The following PLPPR1 variants were observed in gnomAD, a reference collection of about 807,000 sequenced individuals.
PLPPR1 encodes the protein phospholipid phosphatase related 1.
PLPPR1 carries 10 observed loss-of-function variants against 33.1 expected under a neutral mutation model. The observed-to-expected ratio is 0.30, with a 90% CI of 0.19 to 0.51. The LOEUF (loss-of-function observed/expected upper bound fraction) is 0.51. Among genes scored for constraint, PLPPR1 ranks in the 20% least tolerant of loss-of-function variants. The probability of loss-of-function intolerance (pLI) is 0.97; values close to 1 mark genes in which losing one functional copy is unlikely to be tolerated. For synonymous variants in PLPPR1, 151 were observed against 151.0 expected (o/e 1.00, Z 0.00); for missense variants, 304 against 408.1 (o/e 0.74, Z 2.20).
At chr9:101,297,952 G>C (rs549710015) in intron 4 of PLPPR1, among the ~76,000 whole-genome samples, 142 of 152,272 alleles carry the variant, frequency 9.3e-4, no homozygotes, top group Non-Finnish European at 1.5e-3. Context: ...AAAATGTGAA[G>C]TTCAGTTCAG....
chr9:101,069,139 G>GAA (rs11427463), intron 1 of PLPPR1, among the ~76,000 whole-genome samples: 9,230 of 149,682 alleles, frequency 0.062, 548 homozygotes, highest in East Asian at 0.25. Flanking sequence ...ATTTGTTTAG[G>GAA]AAAAAAAAAA....
intron 1 of PLPPR1, among the ~76,000 whole-genome samples, chr9:101,063,735 G>A (rs1482910387): frequency 6.6e-6 from 1 of 151,902 alleles, no homozygotes; most frequent in African/African-American, 2.4e-5. Context: ...TCAATCTTAA[G>A]GTTTTTCTTA....
At chr9:101,312,654 G>A (rs1204402870) in intron 5 of PLPPR1, 144 bp from the exon 6 acceptor site, 6 of 577,684 alleles carry the variant, frequency 1.0e-5, no homozygotes, top group Non-Finnish European at 1.8e-5. Context: ...TCTTAATGGA[G>A]TTGTTCAAGG....
intron 1 of PLPPR1, among the ~76,000 whole-genome samples, chr9:101,109,786 ATT>A (rs1831028908): frequency 6.6e-6 from 1 of 152,176 alleles, no homozygotes; most frequent in Non-Finnish European, 1.5e-5. Flanking sequence ...AGTTTGGAGT[ATT>A]TGAGTACGAC....
At chr9:101,124,497 T>C (rs1831220278) in intron 1 of PLPPR1, among the ~76,000 whole-genome samples, 1 of 152,202 alleles carries the variant, frequency 6.6e-6, no homozygotes. Context: ...CCTACATGGT[T>C]CATTCATCTC....
chr9:101,302,418 C>G (rs1165712229), intron 4 of PLPPR1, among the ~76,000 whole-genome samples: 2 of 152,162 alleles, frequency 1.3e-5, no homozygotes, highest in Non-Finnish European at 2.9e-5. Context: ...AATGAGAAAG[C>G]ATTTTACCAC....
At chr9:101,169,675 GC>G (rs1825911123) in intron 1 of PLPPR1, among the ~76,000 whole-genome samples, 1 of 146,232 alleles carries the variant, frequency 6.8e-6, no homozygotes, top group Admixed American at 7.0e-5. Flanking sequence ...AAAAAAAATT[GC>G]TTTTTGTTAC....
At chr9:101,296,852 C>G (rs576676181) in intron 4 of PLPPR1, among the ~76,000 whole-genome samples, 1 of 151,676 alleles carries the variant, frequency 6.6e-6, no homozygotes, top group African/African-American at 2.4e-5. Context: ...TGCTAAATGA[C>G]GAGTTAATGG....
intron 7 of PLPPR1, among the ~76,000 whole-genome samples, chr9:101,319,271 G>T (rs1385893940): frequency 1.3e-5 from 2 of 152,058 alleles, no homozygotes; most frequent in Non-Finnish European, 2.9e-5. Context: ...CCGCCTCCGG[G>T]GTTCAAGCAA....
intron 1 of PLPPR1, among the ~76,000 whole-genome samples, chr9:101,116,370 T>C (rs994863987): frequency 3.9e-5 from 6 of 152,196 alleles, no homozygotes; most frequent in Non-Finnish European, 7.3e-5. Context: ...AATATTCTAA[T>C]TTTGTCCACA....
At chr9:101,050,019 G>A (rs1309130680) in intron 1 of PLPPR1, among the ~76,000 whole-genome samples, 1 of 151,386 alleles carries the variant, frequency 6.6e-6, no homozygotes, top group Non-Finnish European at 1.5e-5. Flanking sequence ...CAGCTACTCG[G>A]GAGGCTGAGG....
intron 1 of PLPPR1, among the ~76,000 whole-genome samples, chr9:101,180,098 A>T (rs893043619): frequency 3.4e-3 from 46 of 13,384 alleles, no homozygotes; most frequent in Non-Finnish European, 5.3e-3. Flanking sequence ...TCTCCTTTAT[A>T]TATATATATA....
chr9:101,090,122 G>T (rs1830724535), intron 1 of PLPPR1, among the ~76,000 whole-genome samples: 1 of 152,096 alleles, frequency 6.6e-6, no homozygotes. Flanking sequence ...TTCTCCCTGT[G>T]TCTCTTCACA....
At chr9:101,110,905 G>C (rs1831047875) in intron 1 of PLPPR1, among the ~76,000 whole-genome samples, 1 of 152,096 alleles carries the variant, frequency 6.6e-6, no homozygotes. Context: ...GGAATAACTA[G>C]GTATGTGTGC....
intron 1 of PLPPR1, among the ~76,000 whole-genome samples, chr9:101,041,311 G>A (rs1294742115): frequency 6.6e-6 from 1 of 152,036 alleles, no homozygotes. Flanking sequence ...CAATTCATAT[G>A]GAAGAAGATG....
chr9:101,127,114 T>C (rs1318334006), intron 1 of PLPPR1, among the ~76,000 whole-genome samples: 1 of 152,222 alleles, frequency 6.6e-6, no homozygotes, highest in Admixed American at 6.5e-5. Flanking sequence ...ATGTCTGCTT[T>C]CAATTTGTCC....
intron 1 of PLPPR1, among the ~76,000 whole-genome samples, chr9:101,117,686 G>A (rs1293753274): frequency 2.0e-5 from 3 of 150,184 alleles, no homozygotes; most frequent in Non-Finnish European, 4.4e-5. Context: ...TACAGGCTCT[G>A]AAATCACACA....
At chr9:101,237,455 CGTGT>C (rs57041590) in intron 2 of PLPPR1, among the ~76,000 whole-genome samples, 2,102 of 148,578 alleles carry the variant, frequency 0.014, 25 homozygotes, top group Admixed American at 0.038. Flanking sequence ...AAAGAAAGGT[CGTGT>C]GTGTGTGTGT....
intron 4 of PLPPR1, 116 bp downstream of exon 4, chr9:101,286,352 G>T: frequency 2.2e-6 from 2 of 929,770 alleles, no homozygotes; most frequent in South Asian, 2.4e-5. Flanking sequence ...GCTGCTTTGG[G>T]GATTTTCCTG....
Sources: allele counts gnomAD v4.1 joint callset (sites outside exome capture counted in the v4.1 genomes callset), GRCh38; gene constraint gnomAD v4.1.1; transcripts MANE v1.5; gene names NCBI Gene and HGNC (gene_info 2026-07-23, HGNC 2026-07-21).